FBXL20: variants seen among roughly 807,000 people sequenced by gnomAD.
The protein encoded by FBXL20 is F-box and leucine rich repeat protein 20, also known as F-box/LRR-repeat protein 20.
Under a neutral mutation model 64.0 loss-of-function variants are expected in FBXL20, and 11 were observed. The ratio of observed to expected loss-of-function variants is 0.17; its 90% CI spans 0.11 to 0.28. FBXL20 has a LOEUF of 0.28. FBXL20 is among the 10% of genes least tolerant of loss of function. The pLI, the probability that FBXL20 is intolerant of heterozygous loss-of-function variation, is 1.00. For missense variants in FBXL20, 303 were observed against 526.2 expected (o/e 0.58, Z 4.15); for synonymous variants, 184 against 189.0 (o/e 0.97, Z 0.22).
At chr17:39,288,122 C>T (rs993862209) in intron 6 of FBXL20, among the ~76,000 whole-genome samples, 1 of 151,928 alleles carries the variant, frequency 6.6e-6, no homozygotes, top group Admixed American at 6.6e-5. Flanking sequence ...CACCAACACA[C>T]CCAGCTAATT....
At chr17:39,262,258 C>T (rs1380769738) in intron 14 of FBXL20, among the ~76,000 whole-genome samples, 1 of 152,028 alleles carries the variant, frequency 6.6e-6, no homozygotes, top group Admixed American at 6.6e-5. Context: ...TGCTCAAGGC[C>T]ATGTGGCCAA....
chr17:39,316,577 C>G (rs936610952), intron 2 of FBXL20, among the ~76,000 whole-genome samples: 1 of 152,090 alleles, frequency 6.6e-6, no homozygotes, highest in African/African-American at 2.4e-5. Context: ...TTCCACTGGC[C>G]AAATCTGGGA....
At chr17:39,384,634 T>C (rs761390396) in intron 1 of FBXL20, among the ~76,000 whole-genome samples, 1 of 152,058 alleles carries the variant, frequency 6.6e-6, no homozygotes, top group Non-Finnish European at 1.5e-5. Flanking sequence ...TCCAGTATAA[T>C]CTTGTTTGTT....
intron 1 of FBXL20, among the ~76,000 whole-genome samples, chr17:39,357,544 G>A (rs530238992): frequency 1.1e-4 from 16 of 151,714 alleles, no homozygotes; most frequent in Admixed American, 7.9e-4. Flanking sequence ...ATCATCTTAC[G>A]CGAAACCCCC....
intron 1 of FBXL20, among the ~76,000 whole-genome samples, chr17:39,347,661 G>A (rs2047647362): frequency 6.6e-6 from 1 of 152,090 alleles, no homozygotes; most frequent in African/African-American, 2.4e-5. Context: ...TCTGATGGCA[G>A]TTTCTTTTGC....
Position 39,256,535 on chromosome 17 carries a change from G to C in FBXL20, c.*4925C>G, listed in dbSNP as rs1045163430. The C allele has an allele frequency of 6.6e-6, 1 of 152,062 alleles. No individual in the cohort carries two copies. Among genetic ancestry groups the C allele is most frequent in the Non-Finnish European group, 1.5e-5 (1 of 68,002 alleles). The allele number at this position is 152,062 out of a possible 1,614,324, so 9.4% of individuals were successfully genotyped here. On this transcript the variant is annotated 3_prime_UTR_variant, in exon 15 of 15. Coordinates refer to ENST00000264658, the MANE Select transcript of FBXL20 (RefSeq NM_032875.3). Reference sequence around the variant, plus strand: ...GGGTTTGAGGTGGCTAAAGATTCTAGGATTGGCAGGCAGATAGAGAGGCAA... The same window carrying C: ...GGGTTTGAGGTGGCTAAAGATTCTACGATTGGCAGGCAGATAGAGAGGCAA...
chr17:39,343,748 TAC>T (rs1317264544), intron 1 of FBXL20, among the ~76,000 whole-genome samples: 1 of 148,930 alleles, frequency 6.7e-6, no homozygotes, highest in Non-Finnish European at 1.5e-5. Context: ...CAGTCTGGAG[TAC>T]AGTGGCATGA....
At chr17:39,390,928 T>C (rs998762591) in intron 1 of FBXL20, among the ~76,000 whole-genome samples, 72 of 152,122 alleles carry the variant, frequency 4.7e-4, no homozygotes, top group African/African-American at 1.6e-3. Flanking sequence ...GCGCCTGTAA[T>C]CCCAGCTACT....
At chr17:39,326,732 G>A (rs139091573) in intron 2 of FBXL20, among the ~76,000 whole-genome samples, 75 of 151,712 alleles carry the variant, frequency 4.9e-4, no homozygotes, top group African/African-American at 1.5e-3. Context: ...CAATCCTCTC[G>A]TCTCAACCTC....
At chr17:39,401,725 G>A (rs911518627), upstream of FBXL20, 10 of 1,119,776 alleles carry the variant, frequency 8.9e-6, no homozygotes, top group East Asian at 5.4e-5. Context: ...CGCCCGGGAG[G>A]GGGAGGGGCG....
Position 39,270,961 on chromosome 17 carries a change from G to A in FBXL20, c.828-105C>T, listed in dbSNP as rs897291237. On this transcript the variant is annotated intron_variant, in intron 10 of 14. Transcript: ENST00000264658. ...ACAAAAACAATCTTCTATTCTCTAA[G>A]GACTTTATAATATAGAATGACATTA... is the stretch of plus-strand genomic sequence containing the variant. 12 of 893,000 alleles carry A rather than the reference G, an allele frequency of 1.3e-5. No individual in the cohort carries two copies. The East Asian group carries it at 2.9e-4, about 22-fold the overall frequency. The allele number at this position is 893,000 out of a possible 1,614,324, so 55.3% of individuals were successfully genotyped here.
chr17:39,301,035 C>A lies in FBXL20; in HGVS notation c.200G>T (p.Arg67Leu), dbSNP rs1307073259. ...CCTCTGGAAATCAAATAGGTCAATT[C>A]GCTGCCAGTTACTGCCATCCAGAGC... is the stretch of plus-strand genomic sequence containing the variant. ...VLALDGSNWQRIDLFDFQRDI... is the reference protein window; with the variant it reads ...VLALDGSNWQLIDLFDFQRDI... Residue 67 changes from arginine (R) to leucine (L), a missense_variant, in exon 4 of 15, where the codon CGA becomes CTA. By Grantham distance (102) the Arg-to-Leu change is moderately radical. Coordinates refer to ENST00000264658, the MANE Select transcript of FBXL20 (RefSeq NM_032875.3). 6.2e-7 allele frequency: 1 copy of A among 1,613,924 alleles called. No homozygotes were observed. The highest frequency in any genetic ancestry group is 1.1e-5 in the South Asian group (1 of 91,068).
At chr17:39,314,795 C>CTTTTT (rs59955109) in intron 2 of FBXL20, among the ~76,000 whole-genome samples, 3 of 125,962 alleles carry the variant, frequency 2.4e-5, no homozygotes, top group African/African-American at 3.1e-5. Flanking sequence ...ATATCCTTTT[C>CTTTTT]TTTTTTTTTT....
intron 1 of FBXL20, among the ~76,000 whole-genome samples, chr17:39,385,944 C>T (rs1300082677): frequency 6.7e-6 from 1 of 149,042 alleles, no homozygotes; most frequent in Non-Finnish European, 1.5e-5. Flanking sequence ...GCAGGAGAAT[C>T]ACTTGAACCC....
At position 39,401,346 on chromosome 17, in the gene FBXL20, C is replaced by T; in HGVS notation, c.42+15G>A. 1 of 1,612,928 alleles carries T rather than the reference C, an allele frequency of 6.2e-7. No homozygotes were observed. The highest frequency in any genetic ancestry group is 8.5e-7 in the Non-Finnish European group (1 of 1,179,556). ...CCCGCCCTCCTCACGCCGCCCGAGC[C>T]CCCCAAGCTCACACCTCAAACCTGC... is the stretch of plus-strand genomic sequence containing the variant. On this transcript the variant is annotated intron_variant, in intron 1 of 14. Coordinates refer to ENST00000264658, the MANE Select transcript of FBXL20 (RefSeq NM_032875.3).
At chr17:39,402,521 G>T (rs2048260007), upstream of FBXL20, 2 of 286,156 alleles carry the variant, frequency 7.0e-6, no homozygotes, top group Admixed American at 1.0e-4. Flanking sequence ...CCCTTCCTTT[G>T]GCCGGGGTCG....
chr17:39,275,401 TTTTA>T (rs550039792), intron 9 of FBXL20, among the ~76,000 whole-genome samples: 24 of 151,548 alleles, frequency 1.6e-4, no homozygotes, highest in African/African-American at 3.4e-4. Flanking sequence ...AATTAAATAA[TTTTA>T]TTTATTTATT....
In FBXL20 at chr17:39,261,355, TA is replaced by T; in HGVS notation, c.*104del. The T allele has an allele frequency of 2.2e-6, 2 of 923,506 alleles. No homozygotes were observed. 57.2% of individuals were successfully genotyped at this position (923,506 alleles called of 1,614,324 possible). A position where few individuals can be genotyped will look rare whatever the true frequency, so the allele number is the denominator to read the frequency against. On this transcript the variant is annotated 3_prime_UTR_variant, in exon 15 of 15. Transcript: ENST00000264658. The stretch of plus-strand genomic sequence containing the variant: ...CTGGACACTGCCCTCCCTCACTTTG[TA>T]ACCCTTGCTCAGAACACTGGGGTTG...
chr17:39,316,945 C>T (rs867299943), intron 2 of FBXL20, among the ~76,000 whole-genome samples: 2 of 152,182 alleles, frequency 1.3e-5, no homozygotes, highest in African/African-American at 2.4e-5. Context: ...GCGGAGATTG[C>T]GCCACTGTGC....
Sources: gnomAD v4.1 joint callset for allele counts (sites outside exome capture counted in the v4.1 genomes callset) on GRCh38, gnomAD v4.1.1 for gene constraint, MANE v1.5 for transcripts, NCBI Gene and HGNC (gene_info 2026-07-23, HGNC 2026-07-21) for gene names.